WDR33: variants seen among roughly 807,000 people sequenced by gnomAD.
WDR33 encodes the protein pre-mRNA 3' end processing protein WDR33.
A neutral mutation model predicts 164.9 loss-of-function variants in WDR33; 47 were observed. The observed-to-expected ratio is 0.29, with a 90% CI of 0.23 to 0.36. WDR33 has a LOEUF of 0.36. Among genes scored for constraint, WDR33 ranks in the 10% least tolerant of loss-of-function variants. WDR33 has a pLI of 1.00. For missense variants in WDR33, 1,137 were observed against 1,754.1 expected (o/e 0.65, Z 6.28); for synonymous variants, 505 against 589.0 (o/e 0.86, Z 2.06).
chr2:127,745,011 A>T (rs17015535), intron 7 of WDR33, among the ~76,000 whole-genome samples: 4,110 of 152,184 alleles, frequency 0.027, 200 homozygotes, highest in African/African-American at 0.093. Flanking sequence ...AGGTTGCGAG[A>T]TCCCCATATA....
At chr2:127,791,379 T>C (rs939866400) in intron 1 of WDR33, among the ~76,000 whole-genome samples, 1 of 152,006 alleles carries the variant, frequency 6.6e-6, no homozygotes, top group Non-Finnish European at 1.5e-5. Context: ...GCCATAAAAA[T>C]ACCATAGACT....
At chr2:127,786,121 C>G (rs968742028) in intron 1 of WDR33, among the ~76,000 whole-genome samples, 9 of 152,204 alleles carry the variant, frequency 5.9e-5, no homozygotes, top group African/African-American at 2.2e-4. Context: ...GCAGCTTAAA[C>G]CTCCTAGGCT....
Position 127,726,502 on chromosome 2 carries a change from T to C in WDR33, c.851+149A>G. 9.3e-7 allele frequency: 1 copy of C among 1,076,062 alleles called. No individual in the cohort carries two copies. The highest frequency in any genetic ancestry group is 1.3e-6 in the Non-Finnish European group (1 of 767,752). 66.7% of individuals were successfully genotyped at this position (1,076,062 alleles called of 1,614,324 possible). On this transcript the variant is annotated intron_variant, in intron 8 of 21. Transcript: ENST00000322313. The surrounding 1 kb of genome is among the most constrained non-coding windows in gnomAD (Gnocchi z 4.8). ...TAAGAGTTCAGAGATGAATCATATTTAATTCATAAGAAGTCTATAGATCCA... is the reference window on the plus strand; with the variant it reads ...TAAGAGTTCAGAGATGAATCATATTCAATTCATAAGAAGTCTATAGATCCA...
chr2:127,739,105 A>C (rs1231298567), intron 7 of WDR33, among the ~76,000 whole-genome samples: 2 of 152,230 alleles, frequency 1.3e-5, no homozygotes, highest in Non-Finnish European at 2.9e-5. Flanking sequence ...TAAACATATT[A>C]TAAACAATAC....
intron 1 of WDR33, among the ~76,000 whole-genome samples, chr2:127,774,455 A>AT (rs1688116798): frequency 6.6e-6 from 1 of 152,178 alleles, no homozygotes; most frequent in Non-Finnish European, 1.5e-5. Context: ...ATGAGAATAG[A>AT]TTTTTTCACA....
At chr2:127,783,217 T>C (rs1688434912) in intron 1 of WDR33, among the ~76,000 whole-genome samples, 1 of 152,226 alleles carries the variant, frequency 6.6e-6, no homozygotes, top group Non-Finnish European at 1.5e-5. Flanking sequence ...ACATGTTTAA[T>C]CCATGTTACC....
chr2:127,755,682 A>G (rs1687499043), intron 7 of WDR33, among the ~76,000 whole-genome samples: 1 of 152,234 alleles, frequency 6.6e-6, no homozygotes, highest in Non-Finnish European at 1.5e-5. Context: ...AGAAGTGTAC[A>G]GACTACAAAT....
In WDR33 at chr2:127,738,292, C is replaced by T. The variant is rs1473756574; in HGVS notation, c.725-11515G>A. Among the ~76,000 whole-genome samples, 1 of 152,020 alleles carries T rather than the reference C, an allele frequency of 6.6e-6. No individual in the cohort carries two copies. Among genetic ancestry groups the T allele is most frequent in the Non-Finnish European group, 1.5e-5 (1 of 68,004 alleles). On this transcript the variant is annotated intron_variant, in intron 7 of 21. Transcript: ENST00000322313. The surrounding 1 kb of genome is among the most constrained non-coding windows in gnomAD (Gnocchi z 4.4). ...AGCTGGTTATATTATTAATTTCCAC[C>T]ATATTAAAAACATATTCCCATAAAA...
chr2:127,809,762 T>G (rs1451148759), intron 1 of WDR33, among the ~76,000 whole-genome samples: 1 of 152,114 alleles, frequency 6.6e-6, no homozygotes, highest in Non-Finnish European at 1.5e-5. Context: ...CCAAAATTCT[T>G]CCTAGGAGTA....
Position 127,702,065 on chromosome 2 carries a change from G to A in WDR33, c.*4258C>T. 8.3e-7 allele frequency: 1 copy of A among 1,208,804 alleles called. No homozygotes were observed. The highest frequency in any genetic ancestry group is 4.3e-5 in the Admixed American group (1 of 23,022). The allele number at this position is 1,208,804 out of a possible 1,614,324, so 74.9% of individuals were successfully genotyped here. A position where few individuals can be genotyped will look rare whatever the true frequency, so the allele number is the denominator to read the frequency against. ...TGGGCGCGGGCGCGCAGGTGGCCGC[G>A]CTGCTGGCCGCGCTGGTTGGGCTGC... On this transcript the variant is annotated 3_prime_UTR_variant, in exon 22 of 22. Coordinates refer to ENST00000322313, the MANE Select transcript of WDR33 (RefSeq NM_018383.5).
intron 7 of WDR33, among the ~76,000 whole-genome samples, chr2:127,742,357 T>C (rs1017557866): frequency 6.6e-6 from 1 of 151,192 alleles, no homozygotes; most frequent in Admixed American, 6.6e-5. Flanking sequence ...AAATTAAAAC[T>C]AAATAAAAAT....
chr2:127,796,431 C>T (rs1689045377), intron 1 of WDR33, among the ~76,000 whole-genome samples: 5 of 151,858 alleles, frequency 3.3e-5, no homozygotes, highest in African/African-American at 1.2e-4. Context: ...ATCTCTACTG[C>T]AGCAAGCACA....
chr2:127,723,541 A>G lies in WDR33; in HGVS notation c.1197-194T>C, dbSNP rs1686490199. On this transcript the variant is annotated intron_variant, in intron 11 of 21. Coordinates refer to ENST00000322313, the MANE Select transcript of WDR33 (RefSeq NM_018383.5). The surrounding 1 kb of genome is among the most constrained non-coding windows in gnomAD (Gnocchi z 5.9). ...TTTGGGAGGCTGTGGCAGGAGGATT[A>G]AGTCCAGGAGTCCAAGACCAGCCTG... is the stretch of plus-strand genomic sequence containing the variant. Among the ~76,000 whole-genome samples the G allele has an allele frequency of 6.7e-6, 1 of 150,252 alleles. No individual in the cohort carries two copies. The highest frequency in any genetic ancestry group is 2.1e-4 in the South Asian group (1 of 4,734).
chr2:127,757,409 TTATGA>T (rs375020935), intron 7 of WDR33, among the ~76,000 whole-genome samples: 377 of 152,300 alleles, frequency 2.5e-3, no homozygotes, highest in South Asian at 0.018. Context: ...TTTTTCTCTC[TTATGA>T]TATAATTATT....
intron 7 of WDR33, among the ~76,000 whole-genome samples, chr2:127,747,679 A>C (rs1421264388): frequency 6.6e-6 from 1 of 152,136 alleles, no homozygotes; most frequent in African/African-American, 2.4e-5. Context: ...TTAACATGCC[A>C]CCAAATTCTC....
intron 1 of WDR33, among the ~76,000 whole-genome samples, chr2:127,798,382 AAAAAAAAAAAAAAT>A (rs1239067389): frequency 2.1e-5 from 3 of 146,232 alleles, no homozygotes; most frequent in Non-Finnish European, 3.0e-5. Context: ...AAAAAAAAAA[AAAAAAAAAAAAAAT>A]GAATTTAAAA....
At chr2:127,774,612 A>G (rs924713316) in intron 1 of WDR33, among the ~76,000 whole-genome samples, 5 of 152,168 alleles carry the variant, frequency 3.3e-5, no homozygotes, top group East Asian at 3.9e-4. Flanking sequence ...GGCGGATCAC[A>G]AGGTCAGGAG....
Position 127,723,092 on chromosome 2 carries a change from C to G in WDR33, c.1292-48G>C, listed in dbSNP as rs1260758956. 9 of 1,516,600 alleles carry G rather than the reference C, an allele frequency of 5.9e-6. No individual in the cohort carries two copies. The Admixed American group carries it at 6.2e-5, about 10-fold the overall frequency. The allele number at this position is 1,516,600 out of a possible 1,614,324, so 93.9% of individuals were successfully genotyped here. A position where few individuals can be genotyped will look rare whatever the true frequency, so the allele number is the denominator to read the frequency against. ...GTCAATAGAGAATTTACAAAAGTAG[C>G]GACTGATAAAATTAATGCTTTATAA... On this transcript the variant is annotated intron_variant, in intron 12 of 21. Coordinates refer to ENST00000322313, the MANE Select transcript of WDR33 (RefSeq NM_018383.5). This position sits in a 1 kb window ranked among gnomAD's most constrained non-coding sequence, Gnocchi z 5.9.
At chr2:127,785,744 C>T (rs1432967371) in intron 1 of WDR33, among the ~76,000 whole-genome samples, 1 of 152,120 alleles carries the variant, frequency 6.6e-6, no homozygotes, top group Non-Finnish European at 1.5e-5. Context: ...ATCTGGGTTG[C>T]CTCCAAGTTT....
Sources: allele counts gnomAD v4.1 joint callset (sites outside exome capture counted in the v4.1 genomes callset), GRCh38; gene constraint gnomAD v4.1.1; non-coding constraint Gnocchi (gnomAD v3.1); transcripts MANE v1.5; gene names NCBI Gene and HGNC (gene_info 2026-07-23, HGNC 2026-07-21).